EMC10: variants seen among roughly 807,000 people sequenced by gnomAD.
EMC10 encodes the protein ER membrane protein complex subunit 10.
A neutral mutation model predicts 32.2 loss-of-function variants in EMC10; 40 were observed. The ratio of observed to expected loss-of-function variants is 1.24; its 90% CI spans 0.96 to 1.61. EMC10 has a LOEUF of 1.61. EMC10 is among the 40% of genes most tolerant of loss of function. The pLI is 0.00. For synonymous variants in EMC10, 178 were observed against 158.4 expected, an observed-to-expected ratio of 1.12 and a Z score of -0.93; for missense variants, 402 against 357.7, an observed-to-expected ratio of 1.12 and a Z score of -1.00.
chr19:50,480,194 T>C lies in EMC10; in HGVS notation c.381T>C (p.Tyr127=), dbSNP rs376027233. The change falls in exon 4 of 7, where the codon TAT becomes TAC. Residue 127 remains tyrosine (Y), a synonymous_variant. Transcript: ENST00000334976. The surrounding 1 kb of genome is among the most constrained non-coding windows in gnomAD (Gnocchi z 4.4). ...GALDGLEAGG[Y]VSSFVPACSL... ...TGGATGGCCTGGAAGCTGGTGGCTA[T>C]GTCTCCTCCTTTGTCCCTGCGGTGA... 1.9e-6 allele frequency: 3 copies of C among 1,613,862 alleles called. No homozygotes were observed. In the African/African-American group the frequency reaches 4.0e-5, roughly 22 times the overall value.
In EMC10 at chr19:50,484,844, A is replaced by G. The variant is rs1311868858; in HGVS notation, c.*2585A>G. 1 of 152,178 alleles carries G rather than the reference A, an allele frequency of 6.6e-6. No individual in the cohort carries two copies. Among genetic ancestry groups the G allele is most frequent in the Non-Finnish European group, 1.5e-5 (1 of 68,036 alleles). 9.4% of individuals were successfully genotyped at this position (152,178 alleles called of 1,614,324 possible). ...AGACCCTGTCTCCAGAATAGACAAA[A>G]GATGCAGTGGAATCCACGTCCAGAA... On this transcript the variant is annotated 3_prime_UTR_variant, in exon 7 of 7. Transcript: ENST00000334976.
At position 50,481,201 on chromosome 19, in the gene EMC10, G is replaced by A. The variant is rs368696557; in HGVS notation, c.678+224G>A. The A allele has an allele frequency of 1.3e-4, 67 of 517,064 alleles. 2 individuals are homozygous for A. The highest frequency in any genetic ancestry group is 4.6e-4 in the East Asian group (14 of 30,298). The allele number at this position is 517,064 out of a possible 1,614,324, so 32.0% of individuals were successfully genotyped here. A position where few individuals can be genotyped will look rare whatever the true frequency, so the allele number is the denominator to read the frequency against. On this transcript the variant is annotated intron_variant, in intron 6 of 6. Transcript: ENST00000334976. ...CCAGCTCTAGGGCGCAGGGTCCTGG[G>A]GGAGGTCTCGGCCTGAGCTAGGTTG...
chr19:50,476,772 G>T (rs2040230618), intron 1 of EMC10, 114 bp downstream of exon 1: 3 of 685,540 alleles, frequency 4.4e-6, no homozygotes, highest in Admixed American at 7.1e-5. Flanking sequence ...GGGAAGAGGT[G>T]GGAGATCCCT....
chr19:50,476,587 T>C lies in EMC10; in HGVS notation c.43T>C (p.Leu15=). Residue 15 remains leucine, a synonymous_variant, in exon 1 of 7, where the codon TTG becomes CTG. Coordinates refer to ENST00000334976, the MANE Select transcript of EMC10 (RefSeq NM_206538.4). The stretch of plus-strand genomic sequence containing the variant: ...TGGGGCAACCCGGCTGCTCCTGCTC[T>C]TGCTGATGGCGGTAGCAGCGCCCAG... ...SAGATRLLLL[L]LMAVAAPSRA... is the part of the protein sequence containing the mutation. 1 of 1,575,570 alleles carries C rather than the reference T, an allele frequency of 6.3e-7. No individual in the cohort carries two copies. Among genetic ancestry groups the C allele is most frequent in the South Asian group, 1.1e-5 (1 of 87,678 alleles).
rs760597116 is a variant in EMC10 at position 50,482,178 on chromosome 19, C to T, written c.708C>T (p.Phe236=). The stretch of plus-strand genomic sequence containing the variant: ...TGTACATCATTCCCGTCGTCCTGTT[C>T]CTCATGATGTCAGGAGCGCCAGACA... ...YWMYIIPVVL[F]LMMSGAPDTG... Residue 236 remains phenylalanine, a synonymous_variant, in exon 7 of 7, where the codon TTC becomes TTT. Coordinates refer to ENST00000334976, the MANE Select transcript of EMC10 (RefSeq NM_206538.4). The T allele has an allele frequency of 2.5e-6, 4 of 1,599,328 alleles. No homozygotes were observed. The highest frequency in any genetic ancestry group is 3.4e-6 in the Non-Finnish European group (4 of 1,167,486).
In EMC10 at chr19:50,486,906, TC is replaced by T. The variant is rs982878846; in HGVS notation, c.*4651del. ...CCCTCTCCCCTCCTTCCACCCAGTA[TC>T]CCCTGTTCCTCCCCCAGGCATTCTG... On this transcript the variant is annotated 3_prime_UTR_variant, in exon 7 of 7. Transcript: ENST00000334976. 4.6e-5 allele frequency: 7 copies of T among 151,996 alleles called. No individual in the cohort carries two copies. The highest frequency in any genetic ancestry group is 1.0e-4 in the Non-Finnish European group (7 of 68,034). 9.4% of individuals were successfully genotyped at this position (151,996 alleles called of 1,614,324 possible).
rs758025224 is a variant in EMC10, at chr19:50,480,557, C to G, written c.403-24C>G. The stretch of plus-strand genomic sequence containing the variant: ...AGCCCAGGCAGCAGGCTCCCCACCT[C>G]CACTGACCCCACTCCCCCCACAGTG... On this transcript the variant is annotated intron_variant, in intron 4 of 6. Transcript: ENST00000334976. This position sits in a 1 kb window ranked among gnomAD's most constrained non-coding sequence, Gnocchi z 4.4. The G allele has an allele frequency of 9.7e-6, 15 of 1,548,922 alleles. 1 individual carries two copies. In the South Asian group the frequency reaches 1.8e-4, roughly 18 times the overall value.
At position 50,480,285 on chromosome 19, in the gene EMC10, A is replaced by C; in HGVS notation, c.402+70A>C. ...CATCCCCTACCCTGGTCCTGCTTCC[A>C]CCATTCGAACCCCTGTGTTTCTGGA... On this transcript the variant is annotated intron_variant, in intron 4 of 6. Coordinates refer to ENST00000334976, the MANE Select transcript of EMC10 (RefSeq NM_206538.4). This position sits in a 1 kb window ranked among gnomAD's most constrained non-coding sequence, Gnocchi z 4.4. 7.0e-7 allele frequency: 1 copy of C among 1,435,600 alleles called. No homozygotes were observed. The highest frequency in any genetic ancestry group is 9.6e-7 in the Non-Finnish European group (1 of 1,039,596). The allele number at this position is 1,435,600 out of a possible 1,614,324, so 88.9% of individuals were successfully genotyped here. A position where few individuals can be genotyped will look rare whatever the true frequency, so the allele number is the denominator to read the frequency against.
Position 50,487,119 on chromosome 19 carries a change from G to A in EMC10, c.*4860G>A, listed in dbSNP as rs531971552. The A allele has an allele frequency of 6.6e-6, 1 of 152,248 alleles. No homozygotes were observed. The highest frequency in any genetic ancestry group is 2.4e-5 in the African/African-American group (1 of 41,544). 9.4% of individuals were successfully genotyped at this position (152,248 alleles called of 1,614,324 possible). On this transcript the variant is annotated 3_prime_UTR_variant, in exon 7 of 7. Coordinates refer to ENST00000334976, the MANE Select transcript of EMC10 (RefSeq NM_206538.4). ...CGCTGTTGGTCCTTCAGGCAAGGTC[G>A]GGTTCCCTCGAAGTCTCTGTCTTAG...
chr19:50,477,783 A>T, intron 1 of EMC10, 146 bp from the exon 2 acceptor site: 1 of 568,224 alleles, frequency 1.8e-6, no homozygotes, highest in Non-Finnish European at 3.0e-6. Context: ...GGTGGTTTCT[A>T]GTGAAATAAA....
chr19:50,487,423 G>T lies in EMC10; in HGVS notation c.*5164G>T. 1 of 152,578 alleles carries T rather than the reference G, an allele frequency of 6.6e-6. No homozygotes were observed. Among genetic ancestry groups the T allele is most frequent in the Non-Finnish European group, 1.5e-5 (1 of 68,228 alleles). The allele number at this position is 152,578 out of a possible 1,614,324, so 9.5% of individuals were successfully genotyped here. A position where few individuals can be genotyped will look rare whatever the true frequency, so the allele number is the denominator to read the frequency against. ...TGTATCTTTAGGCAAGTTGCTTCCT[G>T]TCTCTGAGCGTCGTCTTTGTTTCCG... On this transcript the variant is annotated 3_prime_UTR_variant, in exon 7 of 7. Transcript: ENST00000334976.
In EMC10 at chr19:50,477,988, C is replaced by T. The variant is rs1340656051; in HGVS notation, c.174C>T (p.His58=). 3.1e-6 allele frequency: 5 copies of T among 1,603,956 alleles called. No individual in the cohort carries two copies. The highest frequency in any genetic ancestry group is 4.5e-5 in the East Asian group (2 of 44,084). The part of the protein sequence containing the change: ...ACGTVGLLLE[H]SFEIDDSANF... ...GCACGGTGGGGCTGCTGCTGGAGCACTCATTTGAGATCGGTGAGTCAGGCA... is the reference window on the plus strand; with the variant it reads ...GCACGGTGGGGCTGCTGCTGGAGCATTCATTTGAGATCGGTGAGTCAGGCA... The change falls in exon 2 of 7, where the codon CAC becomes CAT. Residue 58 remains histidine, a synonymous_variant. Coordinates refer to ENST00000334976, the MANE Select transcript of EMC10 (RefSeq NM_206538.4).
Position 50,476,659 on chromosome 19 carries a change from G to C in EMC10, c.114+1G>C, listed in dbSNP as rs767208417. The stretch of plus-strand genomic sequence containing the variant: ...CCGGGCCGGGACTGGTGCGCGAGGG[G>C]TGAGTGCTCTTTAGCTGTGCATAGC... On this transcript the variant is annotated splice_donor_variant, in intron 1 of 6. Transcript: ENST00000334976. LOFTEE classifies it high-confidence loss of function. 5 of 1,519,392 alleles carry C rather than the reference G, an allele frequency of 3.3e-6. No individual in the cohort carries two copies. Among genetic ancestry groups the C allele is most frequent in the African/African-American group, 1.4e-5 (1 of 71,524 alleles). The allele number at this position is 1,519,392 out of a possible 1,614,324, so 94.1% of individuals were successfully genotyped here.
rs1438311862 is a variant in EMC10 at position 50,485,121 on chromosome 19, C to G, written c.*2862C>G. On this transcript the variant is annotated 3_prime_UTR_variant, in exon 7 of 7. Transcript: ENST00000334976. ...GTTGCTGGATTTGAGTAGTTCTAAG[C>G]AGCACTGCAGGAGTCCCCCTGTTCT... The G allele has an allele frequency of 6.6e-6, 1 of 152,172 alleles. No individual in the cohort carries two copies. The highest frequency in any genetic ancestry group is 1.5e-5 in the Non-Finnish European group (1 of 68,026). 9.4% of individuals were successfully genotyped at this position (152,172 alleles called of 1,614,324 possible). A position where few individuals can be genotyped will look rare whatever the true frequency, so the allele number is the denominator to read the frequency against.
rs867298383 is a variant in EMC10, at chr19:50,476,628, C to T, written c.84C>T (p.Ser28=). The T allele has an allele frequency of 1.9e-6, 3 of 1,550,354 alleles. No individual in the cohort carries two copies. The highest frequency in any genetic ancestry group is 2.6e-6 in the Non-Finnish European group (3 of 1,153,606). Residue 28 remains serine (S), a synonymous_variant, in exon 1 of 7, where the codon AGC becomes AGT. Coordinates refer to ENST00000334976, the MANE Select transcript of EMC10 (RefSeq NM_206538.4). The stretch of plus-strand genomic sequence containing the variant: ...CAGCGCCCAGTCGAGCCCGGGGCAG[C>T]GGCTGCCGGGCCGGGACTGGTGCGC... ...AVAAPSRARG[S]GCRAGTGARG...
chr19:50,478,163 CT>C (rs1220473773), intron 2 of EMC10, among the ~76,000 whole-genome samples, 162 bp downstream of exon 2: 2 of 152,242 alleles, frequency 1.3e-5, no homozygotes, highest in Admixed American at 6.5e-5. Flanking sequence ...AAGAGAAACA[CT>C]CTTTAAATGC....
rs370619591 is a variant in EMC10, at chr19:50,480,893, G to A, written c.594G>A (p.Thr198=). ...QPPTTAPGPE[T]AAFIERLEME... ...TCTCCCCTTGCCCCAGCCCTGAGAC[G>A]GCGGCCTTCATTGAGCGCCTGGAGA... The change falls in exon 6 of 7, where the codon ACG becomes ACA. Residue 198 remains threonine (T), a synonymous_variant. Coordinates refer to ENST00000334976, the MANE Select transcript of EMC10 (RefSeq NM_206538.4). This position sits in a 1 kb window ranked among gnomAD's most constrained non-coding sequence, Gnocchi z 4.4. 1.8e-5 allele frequency: 29 copies of A among 1,607,828 alleles called. No individual in the cohort carries two copies. The highest frequency in any genetic ancestry group is 1.3e-4 in the East Asian group (6 of 44,688).
In EMC10 at chr19:50,476,624, G is replaced by T; in HGVS notation, c.80G>T (p.Gly27Val). 6.4e-7 allele frequency: 1 copy of T among 1,554,438 alleles called. No individual in the cohort carries two copies. Among genetic ancestry groups the T allele is most frequent in the Non-Finnish European group, 8.7e-7 (1 of 1,155,762 alleles). Residue 27 changes from glycine to valine, a missense_variant, in exon 1 of 7, where the codon GGC (glycine) becomes GTC (valine). Physicochemically the swap from Gly to Val is moderately radical, Grantham distance 109 (BLOSUM62 -3). Transcript: ENST00000334976. ...MAVAAPSRAR[G>V]SGCRAGTGAR... ...GTAGCAGCGCCCAGTCGAGCCCGGG[G>T]CAGCGGCTGCCGGGCCGGGACTGGT...
In EMC10 at chr19:50,482,880, G is replaced by A. The variant is rs1272720720; in HGVS notation, c.*621G>A. 1.8e-6 allele frequency: 1 copy of A among 545,148 alleles called. No homozygotes were observed. Among genetic ancestry groups the A allele is most frequent in the Non-Finnish European group, 3.2e-6 (1 of 309,806 alleles). 33.8% of individuals were successfully genotyped at this position (545,148 alleles called of 1,614,324 possible). A position where few individuals can be genotyped will look rare whatever the true frequency, so the allele number is the denominator to read the frequency against. ...GTCGTGGTTTGACATTTGTCTGCCTGGTGCAAACAAGGAATCCTTGCCTTT... is the reference window on the plus strand; with the variant it reads ...GTCGTGGTTTGACATTTGTCTGCCTAGTGCAAACAAGGAATCCTTGCCTTT... On this transcript the variant is annotated 3_prime_UTR_variant, in exon 7 of 7. Transcript: ENST00000334976.
Sources: gnomAD v4.1 joint callset for allele counts (sites outside exome capture counted in the v4.1 genomes callset) on GRCh38, gnomAD v4.1.1 for gene constraint, Gnocchi (gnomAD v3.1) non-coding constraint, MANE v1.5 for transcripts, NCBI Gene and HGNC (gene_info 2026-07-23, HGNC 2026-07-21) for gene names.